The following MAGI2 variants were observed in gnomAD, a reference collection of about 807,000 sequenced individuals.
MAGI2 encodes the protein membrane associated guanylate kinase, WW and PDZ domain containing 2.
Under a neutral mutation model 133.3 loss-of-function variants are expected in MAGI2, and 35 were observed. The ratio of observed to expected loss-of-function variants is 0.26; its 90% CI spans 0.20 to 0.35. MAGI2 has a LOEUF of 0.35. MAGI2 is among the 10% of genes least tolerant of loss of function. The probability of loss-of-function intolerance (pLI) is 1.00; values close to 1 mark genes in which losing one functional copy is unlikely to be tolerated. For missense variants in MAGI2, 1,636 were observed against 1,863.4 expected (o/e 0.88, Z 2.25); for synonymous variants, 729 against 710.6 (o/e 1.03, Z -0.41).
chr7:78,020,043 G>A (rs1584851280), intron 21 of MAGI2, 67 bp from the exon 22 acceptor site: 4 of 1,388,050 alleles, frequency 2.9e-6, no homozygotes, highest in Admixed American at 5.2e-5. Flanking sequence ...TCTCTACGCC[G>A]GGGACAGGGG....
At chr7:78,809,640 T>C (rs1159520263) in intron 2 of MAGI2, among the ~76,000 whole-genome samples, 1 of 152,094 alleles carries the variant, frequency 6.6e-6, no homozygotes, top group Non-Finnish European at 1.5e-5. Flanking sequence ...TTACTGTTTT[T>C]TTTTTCCTAT....
chr7:78,736,797 G>C (rs6965150), intron 2 of MAGI2, among the ~76,000 whole-genome samples: 46,196 of 151,942 alleles, frequency 0.3, 7,502 homozygotes, highest in South Asian at 0.49. Flanking sequence ...TCAGAGTGTC[G>C]AAGTCTTTTA....
intron 6 of MAGI2, among the ~76,000 whole-genome samples, chr7:78,443,602 A>G (rs1210447646): frequency 6.6e-6 from 1 of 152,150 alleles, no homozygotes; most frequent in Non-Finnish European, 1.5e-5. Context: ...CTAATCCTGT[A>G]TTATTAAAGC....
chr7:79,402,691 G>T (rs1373769577), intron 1 of MAGI2, among the ~76,000 whole-genome samples: 1 of 152,160 alleles, frequency 6.6e-6, no homozygotes, highest in Non-Finnish European at 1.5e-5. Flanking sequence ...GCTGGGCGCA[G>T]TGGCTCACAC....
chr7:79,304,481 T>C (rs539574616), intron 1 of MAGI2, among the ~76,000 whole-genome samples: 12 of 152,222 alleles, frequency 7.9e-5, no homozygotes, highest in African/African-American at 2.9e-4. Context: ...CCAGAAAAGA[T>C]AATTTGGCTA....
intron 2 of MAGI2, among the ~76,000 whole-genome samples, chr7:78,747,621 G>A (rs1823048637): frequency 1.3e-5 from 2 of 152,160 alleles, no homozygotes; most frequent in South Asian, 4.1e-4. Context: ...AATCAAGGGA[G>A]AGTAGTCCAC....
intron 2 of MAGI2, among the ~76,000 whole-genome samples, chr7:78,882,043 A>G (rs1795884568): frequency 1.4e-5 from 2 of 145,596 alleles, no homozygotes; most frequent in Non-Finnish European, 3.0e-5. Flanking sequence ...AAAGATAAAT[A>G]AGACTGACAG....
At chr7:78,281,896 AAG>A (rs397963729) in intron 9 of MAGI2, among the ~76,000 whole-genome samples, 3 of 151,804 alleles carry the variant, frequency 2.0e-5, no homozygotes, top group Non-Finnish European at 4.4e-5. Context: ...AAAAAAAAAA[AAG>A]GAGAAAACTT....
At chr7:78,324,157 CT>C (rs1285107812) in intron 9 of MAGI2, among the ~76,000 whole-genome samples, 63 of 138,046 alleles carry the variant, frequency 4.6e-4, no homozygotes, top group Admixed American at 1.2e-3. Context: ...ACACTACACA[CT>C]ACACTACACT....
At chr7:79,277,785 C>G (rs2069251112) in intron 1 of MAGI2, among the ~76,000 whole-genome samples, 1 of 152,078 alleles carries the variant, frequency 6.6e-6, no homozygotes, top group Admixed American at 6.6e-5. Flanking sequence ...CTTTCTCTGT[C>G]TCCTTGAGAT....
intron 2 of MAGI2, among the ~76,000 whole-genome samples, chr7:78,837,600 T>C (rs1430360894): frequency 1.3e-5 from 2 of 152,124 alleles, no homozygotes; most frequent in Admixed American, 1.3e-4. Context: ...TGTAATATTC[T>C]AACAAAAAGC....
intron 2 of MAGI2, among the ~76,000 whole-genome samples, chr7:78,925,413 C>G (rs1799617536): frequency 6.6e-6 from 1 of 152,024 alleles, no homozygotes; most frequent in African/African-American, 2.4e-5. Flanking sequence ...TTGTATGCCT[C>G]TCTATTAAAT....
chr7:78,943,975 A>G (rs1390982062), intron 2 of MAGI2, among the ~76,000 whole-genome samples: 2 of 152,188 alleles, frequency 1.3e-5, no homozygotes, highest in Non-Finnish European at 2.9e-5. Flanking sequence ...AAATCATTCA[A>G]AAGTTCCCAA....
At chr7:78,581,494 T>G (rs1454969490) in intron 3 of MAGI2, among the ~76,000 whole-genome samples, 2 of 152,078 alleles carry the variant, frequency 1.3e-5, no homozygotes, top group African/African-American at 2.4e-5. Context: ...GTAGGGAGGG[T>G]AGAGACAAGA....
At chr7:78,250,701 TAAG>T (rs1563327027) in intron 10 of MAGI2, among the ~76,000 whole-genome samples, 3 of 152,160 alleles carry the variant, frequency 2.0e-5, no homozygotes, top group Admixed American at 2.0e-4. Flanking sequence ...AAAACTGATT[TAAG>T]AAGAAAACAT....
intron 1 of MAGI2, among the ~76,000 whole-genome samples, chr7:79,313,051 A>G (rs1255417146): frequency 6.6e-6 from 1 of 152,234 alleles, no homozygotes; most frequent in African/African-American, 2.4e-5. Flanking sequence ...AACATGTAAG[A>G]GAAAATTCAA....
At chr7:79,414,989 G>T (rs1309144487) in intron 1 of MAGI2, 5 of 152,166 alleles carry the variant, frequency 3.3e-5, no homozygotes, top group Admixed American at 3.3e-4. Context: ...TACAGTTGAG[G>T]AAATAGATCC....
At chr7:79,281,720 T>C (rs1338795553) in intron 1 of MAGI2, among the ~76,000 whole-genome samples, 1 of 152,150 alleles carries the variant, frequency 6.6e-6, no homozygotes, top group African/African-American at 2.4e-5. Context: ...TAAATCAGAA[T>C]GCTTGATGTG....
chr7:78,712,510 T>C (rs541199672), intron 2 of MAGI2, among the ~76,000 whole-genome samples: 1 of 152,330 alleles, frequency 6.6e-6, no homozygotes, highest in African/African-American at 2.4e-5. Flanking sequence ...GCAGTATCTT[T>C]GCTTTTTTAT....
Sources: gnomAD v4.1 joint callset for allele counts (sites outside exome capture counted in the v4.1 genomes callset) on GRCh38, gnomAD v4.1.1 for gene constraint, MANE v1.5 for transcripts, NCBI Gene and HGNC (gene_info 2026-07-23, HGNC 2026-07-21) for gene names.